Variants in NSMCE1 observed in about 807,000 individuals in gnomAD.
The protein encoded by NSMCE1 is non-structural maintenance of chromosomes element 1 homolog.
NSMCE1 carries 18 observed loss-of-function variants against 29.6 expected under a neutral mutation model. That is an observed-to-expected ratio of 0.61 (90% CI 0.42 to 0.90). The LOEUF (loss-of-function observed/expected upper bound fraction) is 0.90. Among genes scored for constraint, NSMCE1 ranks in the 40% least tolerant of loss-of-function variants. NSMCE1 has a pLI of 0.00. For synonymous variants in NSMCE1, 124 were observed against 133.4 expected, an observed-to-expected ratio of 0.93 and a Z score of 0.49; for missense variants, 314 against 343.6, an observed-to-expected ratio of 0.91 and a Z score of 0.68.
chr16:27,262,785 C>A (rs1484398450), intron 1 of NSMCE1, among the ~76,000 whole-genome samples: 2 of 152,152 alleles, frequency 1.3e-5, no homozygotes, highest in South Asian at 2.1e-4. Context: ...GCAAAAGAAA[C>A]TATCAACAGA....
chr16:27,226,751 A>T lies in NSMCE1; in HGVS notation c.569T>A (p.Ile190Asn), dbSNP rs759585841. The change falls in exon 6 of 8, where the codon ATC (isoleucine) becomes AAC (asparagine). Residue 190 changes from isoleucine to asparagine, a missense_variant. Coordinates refer to ENST00000361439, the MANE Select transcript of NSMCE1 (RefSeq NM_145080.4). ...GAGGAGGCTGTGACAGATATTGCAG[A>T]TCTTCACCGCGTCGGGGTACGTCTC... ...IRETYPDAVK[I>N]CNICHSLLIQ... The T allele has an allele frequency of 1.2e-6, 2 of 1,613,646 alleles. No homozygotes were observed. Among genetic ancestry groups the T allele is most frequent in the South Asian group, 2.2e-5 (2 of 91,070 alleles).
chr16:27,254,342 T>C (rs2084062908), intron 2 of NSMCE1, among the ~76,000 whole-genome samples: 1 of 152,184 alleles, frequency 6.6e-6, no homozygotes, highest in African/African-American at 2.4e-5. Context: ...TGGTACACAG[T>C]GTGAAGAATA....
chr16:27,240,000 A>G (rs2083874325), intron 2 of NSMCE1, among the ~76,000 whole-genome samples: 1 of 152,212 alleles, frequency 6.6e-6, no homozygotes, highest in Non-Finnish European at 1.5e-5. Context: ...CATGACAATA[A>G]CAGTAACTCC....
intron 2 of NSMCE1, among the ~76,000 whole-genome samples, chr16:27,254,354 ATCAAT>A (rs2084063033): frequency 6.6e-6 from 1 of 152,178 alleles, no homozygotes; most frequent in Non-Finnish European, 1.5e-5. Flanking sequence ...TGAAGAATAA[ATCAAT>A]TCCTAGACAC....
intron 2 of NSMCE1, among the ~76,000 whole-genome samples, chr16:27,236,221 C>T (rs2140992698): frequency 6.6e-6 from 1 of 152,158 alleles, no homozygotes; most frequent in East Asian, 1.9e-4. Flanking sequence ...TCCTGTGGCA[C>T]CAGGAAGCCT....
intron 2 of NSMCE1, 62 bp downstream of exon 2, chr16:27,257,373 T>A: frequency 6.8e-7 from 1 of 1,476,276 alleles, no homozygotes; most frequent in Non-Finnish European, 9.2e-7. Flanking sequence ...ATTGTACCTA[T>A]GTCACTGGTC....
intron 2 of NSMCE1, among the ~76,000 whole-genome samples, chr16:27,256,550 T>C (rs1388438409): frequency 1.3e-5 from 2 of 152,244 alleles, no homozygotes; most frequent in South Asian, 2.1e-4. Context: ...ATACAATTAC[T>C]CATCCATCAC....
rs76308256 is a variant in NSMCE1, at chr16:27,227,701, C to T, written c.484-865G>A. On this transcript the variant is annotated intron_variant, in intron 5 of 7. Coordinates refer to ENST00000361439, the MANE Select transcript of NSMCE1 (RefSeq NM_145080.4). The stretch of plus-strand genomic sequence containing the variant: ...ACGTCACTGACGCCTGCAAGTCACC[C>T]GAGTGCTCAACTGCCTTTTCTGTTA... Among the ~76,000 whole-genome samples the T allele has an allele frequency of 2.5e-3, 379 of 152,280 alleles. 3 individuals are homozygous for T. The highest frequency in any genetic ancestry group is 8.8e-3 in the African/African-American group (365 of 41,564).
intron 2 of NSMCE1, 101 bp from the exon 3 acceptor site, chr16:27,235,400 GC>G (rs2083810243): frequency 7.4e-7 from 1 of 1,351,140 alleles, no homozygotes. Flanking sequence ...GCAGGGGACA[GC>G]AACCCCAGAC....
Sources: allele counts gnomAD v4.1 joint callset (sites outside exome capture counted in the v4.1 genomes callset), GRCh38; gene constraint gnomAD v4.1.1; transcripts MANE v1.5; gene names NCBI Gene and HGNC (gene_info 2026-07-23, HGNC 2026-07-21).